Variants in RBMS3 observed in about 807,000 individuals in gnomAD.
The protein encoded by RBMS3 is RNA binding motif single stranded interacting protein 3.
Under a neutral mutation model 66.8 loss-of-function variants are expected in RBMS3, and 27 were observed. The observed-to-expected ratio is 0.40, with a 90% CI of 0.30 to 0.56. RBMS3 has a LOEUF of 0.56. Ranked by LOEUF, RBMS3 falls within the 20% of genes least tolerant of loss-of-function variation. RBMS3 has a pLI of 0.40. For missense variants in RBMS3, 513 were observed against 549.5 expected (o/e 0.93, Z 0.66); for synonymous variants, 188 against 183.0 (o/e 1.03, Z -0.22).
At chr3:29,461,128 T>G (rs1287778281) in intron 2 of RBMS3, among the ~76,000 whole-genome samples, 2 of 152,232 alleles carry the variant, frequency 1.3e-5, no homozygotes, top group African/African-American at 2.4e-5. Flanking sequence ...GTTAATGATT[T>G]ACCATAACAT....
At position 29,988,161 on chromosome 3, in the gene RBMS3, C is replaced by T. The variant is rs1256564247; in HGVS notation, c.1117C>T (p.Pro373Ser). 1 of 1,613,000 alleles carries T rather than the reference C, an allele frequency of 6.2e-7. No homozygotes were observed. The highest frequency in any genetic ancestry group is 1.7e-5 in the Admixed American group (1 of 60,008). The change falls in exon 13 of 15, where the codon CCT becomes TCT. Residue 373 changes from proline to serine, a missense_variant. Pro to Ser is a moderately conservative substitution (Grantham distance 74). Transcript: ENST00000383767. ...TCTCTAGTATATGACTGCTGCTGCTCCTATGCAAGGGACCTACATTCCTCA... is the reference window on the plus strand; with the variant it reads ...TCTCTAGTATATGACTGCTGCTGCTTCTATGCAAGGGACCTACATTCCTCA... ...LLCQYMTAAA[P>S]MQGTYIPQYT...
chr3:29,559,731 T>TTGAA (rs902123697), intron 3 of RBMS3, among the ~76,000 whole-genome samples: 67 of 152,138 alleles, frequency 4.4e-4, no homozygotes, highest in African/African-American at 1.3e-3. Flanking sequence ...TTTGCATTTA[T>TTGAA]TGAATGAATG....
At chr3:29,883,415 G>A (rs1391561420) in intron 7 of RBMS3, among the ~76,000 whole-genome samples, 1 of 152,044 alleles carries the variant, frequency 6.6e-6, no homozygotes, top group South Asian at 2.1e-4. Flanking sequence ...TCATAGGATT[G>A]TTGTGAGGAT....
intron 5 of RBMS3, among the ~76,000 whole-genome samples, chr3:29,745,240 G>C: frequency 7.7e-6 from 1 of 130,548 alleles, no homozygotes; most frequent in Non-Finnish European, 1.8e-5. Context: ...TTTATTTTGT[G>C]TGTGTGTGTT....
intron 4 of RBMS3, among the ~76,000 whole-genome samples, chr3:29,656,946 T>C (rs2050347034): frequency 6.6e-6 from 1 of 152,196 alleles, no homozygotes; most frequent in Non-Finnish European, 1.5e-5. Context: ...CCAAGCCTTT[T>C]CCATCCTATG....
chr3:29,702,421 G>T (rs147485606), intron 4 of RBMS3, among the ~76,000 whole-genome samples: 4,250 of 152,288 alleles, frequency 0.028, 86 homozygotes, highest in Admixed American at 0.064. Context: ...CAATCAGCAG[G>T]ATGTGGGTGG....
chr3:29,524,760 G>A (rs1195253433), intron 3 of RBMS3, among the ~76,000 whole-genome samples: 2 of 151,916 alleles, frequency 1.3e-5, no homozygotes, highest in Non-Finnish European at 2.9e-5. Context: ...CTGAAAAAAT[G>A]ACCTCTTGAG....
intron 3 of RBMS3, among the ~76,000 whole-genome samples, chr3:29,525,998 C>T (rs3773057): frequency 0.022 from 3,378 of 152,172 alleles, 96 homozygotes; most frequent in Admixed American, 0.089. Context: ...CTTGTGATTT[C>T]CTTCACTTCT....
intron 2 of RBMS3, among the ~76,000 whole-genome samples, chr3:29,449,427 T>C (rs1373363130): frequency 6.6e-6 from 1 of 152,234 alleles, no homozygotes; most frequent in African/African-American, 2.4e-5. Flanking sequence ...CTATTTATTA[T>C]TTACCAATGT....
chr3:29,735,294 G>C (rs912622599), intron 4 of RBMS3, among the ~76,000 whole-genome samples: 2 of 152,086 alleles, frequency 1.3e-5, no homozygotes, highest in East Asian at 3.8e-4. Flanking sequence ...CTGAGAAAAA[G>C]GAAGTCATTT....
intron 12 of RBMS3, among the ~76,000 whole-genome samples, chr3:29,963,848 G>T (rs1472465418): frequency 7.0e-6 from 1 of 142,106 alleles, no homozygotes; most frequent in African/African-American, 2.6e-5. Flanking sequence ...AAAAAAAAGT[G>T]TATTAAAGGC....
chr3:29,595,374 G>A (rs184288805), intron 4 of RBMS3, among the ~76,000 whole-genome samples: 3 of 150,062 alleles, frequency 2.0e-5, no homozygotes, highest in South Asian at 4.2e-4. Context: ...ACTCCAGCCT[G>A]GGCGACAGTG....
At chr3:29,557,823 A>G (rs1292442856) in intron 3 of RBMS3, among the ~76,000 whole-genome samples, 3 of 152,244 alleles carry the variant, frequency 2.0e-5, no homozygotes, top group Non-Finnish European at 4.4e-5. Flanking sequence ...GCCATCCAGT[A>G]GCAAAAATGA....
At chr3:29,565,731 T>C (rs1002049239) in intron 3 of RBMS3, among the ~76,000 whole-genome samples, 4 of 152,186 alleles carry the variant, frequency 2.6e-5, no homozygotes, top group African/African-American at 9.7e-5. Flanking sequence ...TTTCAATGCA[T>C]ATTTGACAAT....
chr3:29,924,255 TTTA>T (rs746272110), intron 10 of RBMS3, among the ~76,000 whole-genome samples: 18 of 152,200 alleles, frequency 1.2e-4, no homozygotes, highest in Non-Finnish European at 2.1e-4. Context: ...TCCTTGCTCA[TTTA>T]TTATTTTAAT....
At chr3:29,469,664 C>CATATATATATAT (rs138407126) in intron 2 of RBMS3, among the ~76,000 whole-genome samples, 1 of 148,334 alleles carries the variant, frequency 6.7e-6, no homozygotes, top group Middle Eastern at 3.5e-3. Context: ...AAAACTAAAC[C>CATATATATATAT]ATATATATAT....
chr3:29,809,529 C>G (rs996750932), intron 6 of RBMS3, among the ~76,000 whole-genome samples: 38 of 151,960 alleles, frequency 2.5e-4, no homozygotes, highest in Non-Finnish European at 5.6e-4. Flanking sequence ...TATGTCAATA[C>G]TTCTGCCAAT....
chr3:29,388,071 C>G (rs1165419009), intron 1 of RBMS3, among the ~76,000 whole-genome samples: 1 of 133,388 alleles, frequency 7.5e-6, no homozygotes, highest in African/African-American at 3.0e-5. Flanking sequence ...ACCAAACTGT[C>G]TACACACACA....
intron 3 of RBMS3, among the ~76,000 whole-genome samples, chr3:29,521,070 C>G (rs1305842145): frequency 2.0e-5 from 3 of 152,154 alleles, no homozygotes; most frequent in African/African-American, 7.2e-5. Flanking sequence ...CACTCTCTCA[C>G]TCTTACCCTG....
Sources: gnomAD v4.1 joint callset for allele counts (sites outside exome capture counted in the v4.1 genomes callset) on GRCh38, gnomAD v4.1.1 for gene constraint, MANE v1.5 for transcripts, NCBI Gene and HGNC (gene_info 2026-07-23, HGNC 2026-07-21) for gene names.